The following THSD7B variants were observed in gnomAD, a reference collection of about 807,000 sequenced individuals.
THSD7B encodes the protein thrombospondin type 1 domain containing 7B.
A neutral mutation model predicts 213.6 loss-of-function variants in THSD7B; 138 were observed. The ratio of observed to expected loss-of-function variants is 0.65; its 90% CI spans 0.56 to 0.74. The LOEUF (loss-of-function observed/expected upper bound fraction) is 0.74, where lower values mean the gene tolerates loss of function less well. Ranked by LOEUF, THSD7B falls within the 30% of genes least tolerant of loss-of-function variation. THSD7B has a pLI of 0.00. For synonymous variants in THSD7B, 742 were observed against 687.0 expected, an observed-to-expected ratio of 1.08 and a Z score of -1.25; for missense variants, 1,931 against 1,991.5, an observed-to-expected ratio of 0.97 and a Z score of 0.58.
chr2:137,204,512 G>A (rs556459522), intron 7 of THSD7B, among the ~76,000 whole-genome samples: 1 of 152,214 alleles, frequency 6.6e-6, no homozygotes, highest in Non-Finnish European at 1.5e-5. Context: ...GAGATTACAG[G>A]TGAAGACTTT....
intron 2 of THSD7B, among the ~76,000 whole-genome samples, chr2:136,912,382 T>A (rs1387071964): frequency 7.2e-6 from 1 of 138,200 alleles, no homozygotes; most frequent in Non-Finnish European, 1.6e-5. Context: ...AACACAGTGG[T>A]ATGTGTGCGA....
In THSD7B at chr2:137,217,237, T is replaced by G. The variant is rs141033338; in HGVS notation, c.1724-13807T>G. Among the ~76,000 whole-genome samples the G allele has an allele frequency of 3.3e-5, 5 of 152,312 alleles. No homozygotes were observed. In the East Asian group the frequency reaches 7.7e-4, roughly 24 times the overall value. ...CATAAATGCCTTTTCATATGCCCAT[T>G]ATTTTTTACACTCTTCCGTACTTTC... is the stretch of plus-strand genomic sequence containing the variant. On this transcript the variant is annotated intron_variant, in intron 7 of 27. Coordinates refer to ENST00000409968, the MANE Select transcript of THSD7B (RefSeq NM_001316349.2).
chr2:137,334,317 C>G (rs1205128517), intron 12 of THSD7B, among the ~76,000 whole-genome samples: 1 of 152,134 alleles, frequency 6.6e-6, no homozygotes, highest in African/African-American at 2.4e-5. Context: ...TTCTTTTCCT[C>G]CCTCCTCAGC....
At chr2:137,354,335 G>A (rs145154131) in intron 12 of THSD7B, among the ~76,000 whole-genome samples, 13 of 151,896 alleles carry the variant, frequency 8.6e-5, no homozygotes, top group East Asian at 7.8e-4. Context: ...TGTGTAATGC[G>A]CAATGTTTTA....
intron 2 of THSD7B, among the ~76,000 whole-genome samples, chr2:136,991,273 A>G (rs1685778756): frequency 6.6e-6 from 1 of 152,220 alleles, no homozygotes; most frequent in Non-Finnish European, 1.5e-5. Flanking sequence ...CGCATGCAAA[A>G]TGATTCTAAC....
At chr2:137,603,467 G>A (rs904986068) in intron 17 of THSD7B, among the ~76,000 whole-genome samples, 11 of 152,128 alleles carry the variant, frequency 7.2e-5, no homozygotes, top group African/African-American at 2.7e-4. Flanking sequence ...CCAGATCATT[G>A]AACAGTGTAC....
chr2:136,844,141 C>T (rs567147461), intron 1 of THSD7B, among the ~76,000 whole-genome samples: 65 of 152,114 alleles, frequency 4.3e-4, no homozygotes, highest in Admixed American at 1.2e-3. Context: ...TTTTATTAGT[C>T]GGGATCCAGT....
chr2:137,117,270 T>C (rs1351425630), intron 5 of THSD7B, among the ~76,000 whole-genome samples: 1 of 152,190 alleles, frequency 6.6e-6, no homozygotes, highest in African/African-American at 2.4e-5. Flanking sequence ...TAGATGTACC[T>C]TGACAAATCT....
intron 1 of THSD7B, among the ~76,000 whole-genome samples, chr2:136,811,183 T>C (rs1174171237): frequency 6.6e-6 from 1 of 152,220 alleles, no homozygotes; most frequent in East Asian, 1.9e-4. Flanking sequence ...ATCTCCCAGA[T>C]CTGGCCTGGA....
chr2:137,280,139 T>G lies in THSD7B; in HGVS notation c.2500+4113T>G, dbSNP rs144288663. 3.0e-3 allele frequency among the ~76,000 whole-genome samples: 455 copies of G among 152,284 alleles called. 4 individuals carry two copies. The highest frequency in any genetic ancestry group is 0.01 in the African/African-American group (431 of 41,568). ...GAGTGTTAGTTGCCATTGCTTCTAGTGTGGGAATTTTATAAGATTCTACAT... is the reference window on the plus strand; with the variant it reads ...GAGTGTTAGTTGCCATTGCTTCTAGGGTGGGAATTTTATAAGATTCTACAT... On this transcript the variant is annotated intron_variant, in intron 12 of 27. Coordinates refer to ENST00000409968, the MANE Select transcript of THSD7B (RefSeq NM_001316349.2).
At chr2:137,343,507 T>G (rs1197905158) in intron 12 of THSD7B, among the ~76,000 whole-genome samples, 3 of 151,822 alleles carry the variant, frequency 2.0e-5, no homozygotes, top group African/African-American at 7.2e-5. Context: ...AATTAAAGTA[T>G]TAGCCTGAAC....
intron 2 of THSD7B, among the ~76,000 whole-genome samples, chr2:136,966,845 C>T (rs1179672455): frequency 6.6e-6 from 1 of 152,152 alleles, no homozygotes; most frequent in Non-Finnish European, 1.5e-5. Flanking sequence ...TATACATGTT[C>T]CAAGATATAG....
intron 2 of THSD7B, among the ~76,000 whole-genome samples, chr2:136,947,923 T>G (rs1377652498): frequency 6.6e-6 from 1 of 152,188 alleles, no homozygotes; most frequent in African/African-American, 2.4e-5. Context: ...GCTGGGCAAC[T>G]GCATGGGGGT....
At chr2:136,828,261 C>T (rs1214684428) in intron 1 of THSD7B, among the ~76,000 whole-genome samples, 3 of 152,132 alleles carry the variant, frequency 2.0e-5, no homozygotes, top group African/African-American at 4.8e-5. Context: ...ATGTTTCTTT[C>T]TCAGTTAATG....
chr2:137,487,232 G>A (rs1476838784), intron 15 of THSD7B, among the ~76,000 whole-genome samples: 2 of 148,146 alleles, frequency 1.4e-5, no homozygotes, highest in African/African-American at 5.2e-5. Flanking sequence ...GCCGGGCGCA[G>A]TGGCGGGCGC....
chr2:137,601,559 T>TATG (rs1682076525), intron 17 of THSD7B, among the ~76,000 whole-genome samples: 1 of 152,216 alleles, frequency 6.6e-6, no homozygotes. Flanking sequence ...AAGTACATTT[T>TATG]ATGATATTCA....
chr2:137,402,155 C>CT (rs1176912664), intron 12 of THSD7B, among the ~76,000 whole-genome samples: 4 of 152,118 alleles, frequency 2.6e-5, no homozygotes, highest in African/African-American at 9.7e-5. Context: ...TCTCACTAGA[C>CT]TTTTTTATAG....
intron 12 of THSD7B, among the ~76,000 whole-genome samples, chr2:137,359,043 T>A (rs1573981580): frequency 6.6e-6 from 1 of 152,246 alleles, no homozygotes; most frequent in South Asian, 2.1e-4. Flanking sequence ...TATCTGTAGA[T>A]GTCAAATCTC....
chr2:137,587,095 A>G (rs1261157913), intron 17 of THSD7B, among the ~76,000 whole-genome samples: 2 of 152,146 alleles, frequency 1.3e-5, no homozygotes. Flanking sequence ...TTGATCTTCA[A>G]TCACTGATAC....
Sources: gnomAD v4.1 joint callset for allele counts (sites outside exome capture counted in the v4.1 genomes callset) on GRCh38, gnomAD v4.1.1 for gene constraint, MANE v1.5 for transcripts, NCBI Gene and HGNC (gene_info 2026-07-23, HGNC 2026-07-21) for gene names.